The following PDE1C variants were observed in gnomAD, a reference collection of about 807,000 sequenced individuals.
PDE1C encodes the protein phosphodiesterase 1C.
PDE1C carries 62 observed loss-of-function variants against 93.1 expected under a neutral mutation model. That is an observed-to-expected ratio of 0.67 (90% CI 0.54 to 0.82). The LOEUF is 0.82. Among genes scored for constraint, PDE1C ranks in the 40% least tolerant of loss-of-function variants. PDE1C has a pLI of 0.00. For missense variants in PDE1C, 742 were observed against 884.6 expected, an observed-to-expected ratio of 0.84 and a Z score of 2.04; for synonymous variants, 325 against 310.1, an observed-to-expected ratio of 1.05 and a Z score of -0.50.
chr7:32,308,482 C>A (rs965368814), intron 1 of PDE1C, among the ~76,000 whole-genome samples: 2 of 152,176 alleles, frequency 1.3e-5, no homozygotes, highest in African/African-American at 4.8e-5. Context: ...AGGCACCCCC[C>A]AGTAGTGGCA....
chr7:31,718,060 T>C, the PDE1C span, among the ~76,000 whole-genome samples: 2 of 152,134 alleles, frequency 1.3e-5, no homozygotes, highest in Non-Finnish European at 2.9e-5. Flanking sequence ...CCCCCTGAGG[T>C]TCCAGGACTT....
chr7:31,783,176 G>A (rs1211352801), intron 16 of PDE1C, among the ~76,000 whole-genome samples: 1 of 152,224 alleles, frequency 6.6e-6, no homozygotes, highest in East Asian at 1.9e-4. Context: ...TCACAGGGCT[G>A]TAAAACCATA....
chr7:31,641,574 C>T, the PDE1C span, among the ~76,000 whole-genome samples: 1 of 152,170 alleles, frequency 6.6e-6, no homozygotes, highest in African/African-American at 2.4e-5. Context: ...TAAGAATCTA[C>T]AGATAGATTT....
intron 1 of PDE1C, among the ~76,000 whole-genome samples, chr7:32,345,889 G>T (rs931319824): frequency 1.3e-4 from 20 of 152,188 alleles, no homozygotes; most frequent in Admixed American, 1.2e-3. Context: ...TACATTGCTA[G>T]TGGAAATGCA....
intron 1 of PDE1C, among the ~76,000 whole-genome samples, chr7:32,420,299 GTATATATATACA>G (rs1785391673): frequency 3.8e-5 from 1 of 26,040 alleles, no homozygotes; most frequent in Non-Finnish European, 7.1e-5. Flanking sequence ...ATATATATGT[GTATATATATACA>G]TGTGTATATA....
At chr7:31,643,816 C>T in the PDE1C span, 3 of 1,613,942 alleles carry the variant, frequency 1.9e-6, no homozygotes, top group Non-Finnish European at 8.5e-7. Flanking sequence ...CCCTCACTGC[C>T]ACGGGGAGAG....
the PDE1C span, among the ~76,000 whole-genome samples, chr7:31,699,364 G>A: frequency 6.6e-5 from 10 of 152,116 alleles, no homozygotes; most frequent in South Asian, 4.2e-4. Flanking sequence ...AAGCTAGCAC[G>A]GTCTCCCGTG....
intron 2 of PDE1C, among the ~76,000 whole-genome samples, chr7:31,999,102 T>A (rs945646396): frequency 3.3e-5 from 5 of 152,158 alleles, no homozygotes; most frequent in Non-Finnish European, 7.4e-5. Context: ...CAACCACTCA[T>A]TCATTCAGTA....
At chr7:31,888,680 T>C (rs754291149) in intron 2 of PDE1C, among the ~76,000 whole-genome samples, 26 of 152,104 alleles carry the variant, frequency 1.7e-4, no homozygotes, top group Non-Finnish European at 2.5e-4. Context: ...GGTAAACTAT[T>C]AATAATTCTG....
chr7:31,824,741 A>G, intron 13 of PDE1C, 126 bp downstream of exon 13: 3 of 1,245,754 alleles, frequency 2.4e-6, no homozygotes, highest in Non-Finnish European at 2.3e-6. Context: ...GAGGCAGACA[A>G]ATTTTTCTGA....
intron 1 of PDE1C, among the ~76,000 whole-genome samples, chr7:32,230,080 G>A (rs1017723269): frequency 6.6e-6 from 1 of 152,174 alleles, no homozygotes. Flanking sequence ...CTGTAGGCCT[G>A]TCAGGTCCTG....
chr7:32,073,315 A>G (rs1378029212), upstream of PDE1C, among the ~76,000 whole-genome samples: 2 of 152,252 alleles, frequency 1.3e-5, no homozygotes, highest in Non-Finnish European at 2.9e-5. Context: ...CAGGAAAAAT[A>G]TAACTTTGCT....
intron 2 of PDE1C, among the ~76,000 whole-genome samples, chr7:32,018,486 TA>T (rs900070918): frequency 6.6e-6 from 1 of 152,126 alleles, no homozygotes; most frequent in African/African-American, 2.4e-5. Flanking sequence ...TATTTGGTGG[TA>T]AAAAGGAGTA....
At chr7:31,808,748 A>C (rs2128708751) in intron 16 of PDE1C, among the ~76,000 whole-genome samples, 1 of 152,156 alleles carries the variant, frequency 6.6e-6, no homozygotes, top group African/African-American at 2.4e-5. Flanking sequence ...AGCAAGTCTA[A>C]AATAAACTTT....
chr7:32,022,571 T>C (rs368718085), intron 2 of PDE1C, among the ~76,000 whole-genome samples: 1 of 152,100 alleles, frequency 6.6e-6, no homozygotes, highest in African/African-American at 2.4e-5. Flanking sequence ...GCCCCTTTAG[T>C]ATCTAGGCTT....
chr7:32,069,384 A>C (rs985948026), intron 1 of PDE1C, among the ~76,000 whole-genome samples: 3 of 152,140 alleles, frequency 2.0e-5, no homozygotes, highest in Non-Finnish European at 2.9e-5. Context: ...GCTTGGAGAA[A>C]AGCCATATTT....
chr7:32,216,669 C>T (rs1483072556), intron 1 of PDE1C, among the ~76,000 whole-genome samples: 1 of 152,234 alleles, frequency 6.6e-6, no homozygotes, highest in African/African-American at 2.4e-5. Context: ...TGCAAACATC[C>T]AGTCATGGTC....
the PDE1C span, among the ~76,000 whole-genome samples, chr7:31,658,914 A>C: frequency 6.6e-6 from 1 of 152,234 alleles, no homozygotes; most frequent in Non-Finnish European, 1.5e-5. Context: ...TCAGAGCCAA[A>C]CCTTATCTTA....
chr7:31,745,981 G>A, the PDE1C span, among the ~76,000 whole-genome samples: 2 of 152,168 alleles, frequency 1.3e-5, no homozygotes, highest in Non-Finnish European at 2.9e-5. Flanking sequence ...AGATCTCTCT[G>A]TAAAATGTTC....
Sources: gnomAD v4.1 joint callset for allele counts (sites outside exome capture counted in the v4.1 genomes callset) on GRCh38, gnomAD v4.1.1 for gene constraint, MANE v1.5 for transcripts, NCBI Gene and HGNC (gene_info 2026-07-23, HGNC 2026-07-21) for gene names.